Variants in TACC1 observed in about 807,000 individuals in gnomAD.
TACC1 encodes transforming acidic coiled-coil containing protein 1, also known as transforming acidic coiled-coil-containing protein 1.
Under a neutral mutation model 84.4 loss-of-function variants are expected in TACC1, and 48 were observed. The ratio of observed to expected loss-of-function variants is 0.57; its 90% confidence interval spans 0.45 to 0.72. The LOEUF (loss-of-function observed/expected upper bound fraction) is 0.72, where lower values mean the gene tolerates loss of function less well. TACC1 is among the 30% of genes least tolerant of loss of function. TACC1 has a pLI of 0.00. For missense variants in TACC1, 920 were observed against 973.0 expected (o/e 0.95, Z 0.72); for synonymous variants, 372 against 376.3 (o/e 0.99, Z 0.13).
At chr8:38,842,256 T>TA in intron 9 of TACC1, 31 bp from the exon 10 acceptor site, 3 of 1,599,564 alleles carry the variant, frequency 1.9e-6, no homozygotes, top group Non-Finnish European at 2.6e-6. Context: ...TTTGAATAAA[T>TA]ATGTCATTCC....
intron 3 of TACC1, among the ~76,000 whole-genome samples, chr8:38,747,544 A>G (rs375885935): frequency 2.6e-5 from 4 of 152,246 alleles, no homozygotes; most frequent in Non-Finnish European, 5.9e-5. Flanking sequence ...CTGTCAAGCC[A>G]TGAAGACATG....
chr8:38,817,525 A>T (rs1362730052), intron 2 of TACC1, among the ~76,000 whole-genome samples: 1 of 152,226 alleles, frequency 6.6e-6, no homozygotes, highest in Admixed American at 6.5e-5. Context: ...CTATTCCTGG[A>T]CAACAGTTAC....
At chr8:38,773,581 T>G (rs368822964) in intron 3 of TACC1, among the ~76,000 whole-genome samples, 27 of 147,610 alleles carry the variant, frequency 1.8e-4, no homozygotes, top group Admixed American at 3.3e-4. Context: ...TAGCTAGCTA[T>G]CTATCTAGCT....
At position 38,743,458 on chromosome 8, in the gene TACC1, G is replaced by A. The variant is rs114052979; in HGVS notation, c.-574+1007G>A. 4.3e-3 allele frequency among the ~76,000 whole-genome samples: 654 copies of A among 152,270 alleles called. 8 individuals carry two copies. Among genetic ancestry groups the A allele is most frequent in the African/African-American group, 0.015 (626 of 41,542 alleles). ...GGGGGCAGTTTTATAGACATTTTCA[G>A]CTGCAGCTGAACTTTAGGCCTGGGC... is the stretch of plus-strand genomic sequence containing the variant. On this transcript the variant is annotated intron_variant, in intron 2 of 14. Transcript: ENST00000518415.
At chr8:38,813,203 C>T (rs984802158) in intron 2 of TACC1, among the ~76,000 whole-genome samples, 1 of 152,102 alleles carries the variant, frequency 6.6e-6, no homozygotes, top group Non-Finnish European at 1.5e-5. Context: ...CCTCTAAGGA[C>T]GTCCATTTTT....
Position 38,848,111 on chromosome 8 carries a change from C to A in TACC1, c.*88C>A. Reference sequence around the variant, plus strand: ...CTTGCCTTATCCAGGAATAATTGCCCCTTTGCAGAGAAAAAAAAAAACTTA... The same window carrying A: ...CTTGCCTTATCCAGGAATAATTGCCACTTTGCAGAGAAAAAAAAAAACTTA... On this transcript the variant is annotated 3_prime_UTR_variant, in exon 13 of 13. Coordinates refer to ENST00000317827, the MANE Select transcript of TACC1 (RefSeq NM_006283.3). The A allele has an allele frequency of 7.7e-7, 1 of 1,306,496 alleles. No individual in the cohort carries two copies. The highest frequency in any genetic ancestry group is 1.3e-5 in the South Asian group (1 of 74,588). The allele number at this position is 1,306,496 out of a possible 1,614,324, so 80.9% of individuals were successfully genotyped here.
chr8:38,802,604 G>T (rs1028842888), intron 2 of TACC1, among the ~76,000 whole-genome samples: 6 of 152,166 alleles, frequency 3.9e-5, no homozygotes, highest in Non-Finnish European at 8.8e-5. Flanking sequence ...AATACCTGAG[G>T]CTGGGTAATT....
chr8:38,796,844 T>C (rs758933611), intron 2 of TACC1, among the ~76,000 whole-genome samples: 4 of 152,224 alleles, frequency 2.6e-5, no homozygotes, highest in Non-Finnish European at 5.9e-5. Context: ...GAGGCCTTTG[T>C]TGGTGATCTC....
At chr8:38,809,892 A>G (rs1319380060) in intron 2 of TACC1, among the ~76,000 whole-genome samples, 1 of 151,980 alleles carries the variant, frequency 6.6e-6, no homozygotes, top group Non-Finnish European at 1.5e-5. Context: ...ATAGCCCTGG[A>G]TATTCTGGCT....
At chr8:38,812,336 A>G (rs1824389571) in intron 2 of TACC1, among the ~76,000 whole-genome samples, 1 of 152,122 alleles carries the variant, frequency 6.6e-6, no homozygotes, top group Non-Finnish European at 1.5e-5. Flanking sequence ...TAATAAAAAC[A>G]TGCTGGTTTT....
chr8:38,822,874 G>A (rs949220535), intron 3 of TACC1, among the ~76,000 whole-genome samples: 1 of 152,172 alleles, frequency 6.6e-6, no homozygotes, highest in Admixed American at 6.5e-5. Context: ...ACCATCGTAT[G>A]CATGACTGAA....
chr8:38,788,587 G>A, intron 1 of TACC1, 117 bp from the exon 2 acceptor site: 1 of 779,174 alleles, frequency 1.3e-6, no homozygotes, highest in Non-Finnish European at 2.1e-6. Context: ...CTGAGGACCG[G>A]TTGGTTGTGA....
At chr8:38,814,362 TCAA>T (rs1485046341) in intron 2 of TACC1, among the ~76,000 whole-genome samples, 1 of 152,212 alleles carries the variant, frequency 6.6e-6, no homozygotes, top group Non-Finnish European at 1.5e-5. Flanking sequence ...GATGTTTTGA[TCAA>T]CGACTGACTG....
intron 9 of TACC1, among the ~76,000 whole-genome samples, chr8:38,842,055 G>A (rs1831382223): frequency 6.6e-6 from 1 of 152,060 alleles, no homozygotes; most frequent in Admixed American, 6.6e-5. Context: ...CCTGAGAGCA[G>A]GTACTCTCTG....
At chr8:38,751,759 G>A (rs544844415) in intron 3 of TACC1, among the ~76,000 whole-genome samples, 128 of 151,536 alleles carry the variant, frequency 8.4e-4, no homozygotes, top group Non-Finnish European at 1.6e-3. Context: ...TGTGTGATTC[G>A]CTATATTGCA....
chr8:38,753,773 GC>G (rs1326909465), intron 3 of TACC1, among the ~76,000 whole-genome samples: 1 of 152,092 alleles, frequency 6.6e-6, no homozygotes, highest in Non-Finnish European at 1.5e-5. Flanking sequence ...CAACACACAA[GC>G]ATCTTTGCAG....
At chr8:38,806,103 C>T (rs1017662112) in intron 2 of TACC1, among the ~76,000 whole-genome samples, 1 of 152,114 alleles carries the variant, frequency 6.6e-6, no homozygotes, top group African/African-American at 2.4e-5. Flanking sequence ...AGTAGAGGAG[C>T]GAGGGGATAA....
In TACC1 at chr8:38,782,014, TC is replaced by T. The variant is rs559149558; in HGVS notation, c.27-6689del. ...TTTTTATTATTTTTTTTTGCAGATT[TC>T]TTTTTTTTTCTTTTATTATTATACT... On this transcript the variant is annotated intron_variant, in intron 3 of 14. Transcript: ENST00000518415. Among the ~76,000 whole-genome samples the T allele has an allele frequency of 6.1e-5, 9 of 146,804 alleles. No homozygotes were observed. In the South Asian group the frequency reaches 1.9e-3, roughly 31 times the overall value.
chr8:38,836,405 C>T (rs1830242834), intron 7 of TACC1, 118 bp downstream of exon 7: 3 of 1,429,590 alleles, frequency 2.1e-6, no homozygotes, highest in Non-Finnish European at 2.8e-6. Context: ...TTCTTATTAC[C>T]TGCAGCTTGT....
Sources: allele counts gnomAD v4.1 joint callset (sites outside exome capture counted in the v4.1 genomes callset), GRCh38; gene constraint gnomAD v4.1.1; transcripts MANE v1.5; gene names NCBI Gene and HGNC (gene_info 2026-07-23, HGNC 2026-07-21).